STOML3: variants seen among roughly 807,000 people sequenced by gnomAD.
The protein encoded by STOML3 is stomatin like 3.
A neutral mutation model predicts 29.5 loss-of-function variants in STOML3; 31 were observed. That is an observed-to-expected ratio of 1.05 (90% CI 0.79 to 1.42). The LOEUF (loss-of-function observed/expected upper bound fraction) is 1.42. STOML3 is among the 40% of genes most tolerant of loss of function. The pLI is 0.00. For missense variants in STOML3, 380 were observed against 363.0 expected, an observed-to-expected ratio of 1.05 and a Z score of -0.38; for synonymous variants, 122 against 139.8, an observed-to-expected ratio of 0.87 and a Z score of 0.90.
At chr13:38,969,877 A>T (rs942131129) in intron 5 of STOML3, among the ~76,000 whole-genome samples, 1 of 152,190 alleles carries the variant, frequency 6.6e-6, no homozygotes. Flanking sequence ...AATAAATCTG[A>T]TCTCTAACTT....
chr13:38,970,349 C>G lies in STOML3; in HGVS notation c.352G>C (p.Val118Leu). The G allele has an allele frequency of 6.2e-7, 1 of 1,614,146 alleles. No homozygotes were observed. Among genetic ancestry groups the G allele is most frequent in the Non-Finnish European group, 8.5e-7 (1 of 1,180,024 alleles). ...RDSVTTQVDG[V>L]VYYRIYSAVS... ...GCACTATAGATTCTGTAATAGACAA[C>G]TCCATCTACCTGAGTAGTTACGGAG... Residue 118 changes from valine (V) to leucine (L), a missense_variant, in exon 5 of 7, where the codon GTT becomes CTT. Coordinates refer to ENST00000379631, the MANE Select transcript of STOML3 (RefSeq NM_145286.3).
chr13:38,985,662 T>C, intron 1 of STOML3, among the ~76,000 whole-genome samples: 1 of 151,954 alleles, frequency 6.6e-6, no homozygotes, highest in Non-Finnish European at 1.5e-5. Context: ...AATATAACAA[T>C]GGAGGGATAA....
intron 3 of STOML3, among the ~76,000 whole-genome samples, chr13:38,975,697 C>G (rs545301164): frequency 6.6e-6 from 1 of 152,114 alleles, no homozygotes; most frequent in Non-Finnish European, 1.5e-5. Flanking sequence ...TAGCAATTTC[C>G]TATGGTTCAA....
Position 38,982,891 on chromosome 13 carries a change from T to A in STOML3, c.53-6094A>T, listed in dbSNP as rs191763819. ...TCTGTCCACCTGGCACAAATGCACA[T>A]CTAATTGTTCCCTGTCCCATTTATC... On this transcript the variant is annotated intron_variant, in intron 1 of 6. Coordinates refer to ENST00000379631, the MANE Select transcript of STOML3 (RefSeq NM_145286.3). Among the ~76,000 whole-genome samples the A allele has an allele frequency of 1.4e-4, 22 of 152,276 alleles. No individual in the cohort carries two copies. In the East Asian group the frequency reaches 3.9e-3, roughly 27 times the overall value.
intron 5 of STOML3, 27 bp from the exon 6 acceptor site, chr13:38,968,561 A>C: frequency 6.2e-7 from 1 of 1,612,834 alleles, no homozygotes; most frequent in Non-Finnish European, 8.5e-7. Flanking sequence ...AGGGAAGACT[A>C]ATAAGAAAGA....
chr13:38,967,786 G>T (rs1395143308), intron 6 of STOML3, among the ~76,000 whole-genome samples: 2 of 152,148 alleles, frequency 1.3e-5, no homozygotes, highest in Non-Finnish European at 2.9e-5. Flanking sequence ...ATACACAAAG[G>T]CTTGGGATCC....
intron 3 of STOML3, among the ~76,000 whole-genome samples, chr13:38,976,159 A>C (rs906948104): frequency 1.3e-5 from 2 of 152,200 alleles, no homozygotes; most frequent in African/African-American, 4.8e-5. Flanking sequence ...ACCAGCTCTC[A>C]ATATACTCTC....
At chr13:38,987,081 A>G (rs1228510131) in intron 1 of STOML3, among the ~76,000 whole-genome samples, 2 of 152,202 alleles carry the variant, frequency 1.3e-5, no homozygotes, top group African/African-American at 2.4e-5. Context: ...ATAAATGTCT[A>G]AAAATTGGAC....
chr13:38,977,750 A>ATTTTTTTTTTTTTTTTTTTTTTT lies in STOML3; in HGVS notation c.53-976_53-954dup, dbSNP rs397851686. 8.2e-4 allele frequency among the ~76,000 whole-genome samples: 69 copies of ATTTTTTTTTTTTTTTTTTTTTTT among 84,236 alleles called. 4 individuals are homozygous for ATTTTTTTTTTTTTTTTTTTTTTT. The highest frequency in any genetic ancestry group is 1.6e-3 in the South Asian group (3 of 1,860). The allele number at this position is 84,236 out of a possible 152,430, so 55.3% of individuals were successfully genotyped here. A position where few individuals can be genotyped will look rare whatever the true frequency, so the allele number is the denominator to read the frequency against. On this transcript the variant is annotated intron_variant, in intron 1 of 6. Coordinates refer to ENST00000379631, the MANE Select transcript of STOML3 (RefSeq NM_145286.3). Reference sequence around the variant, plus strand: ...ATTATATAATTTCTGAAGTCTCCGGATTTTTTTTTTTTTTTTTTTTTTTTT... The same window carrying ATTTTTTTTTTTTTTTTTTTTTTT: ...ATTATATAATTTCTGAAGTCTCCGGATTTTTTTTTTTTTTTTTTTTTTTTTTTTTTTTTTTTTTTTTTTTTTTT...
At chr13:38,976,950 C>T (rs1881103234) in intron 1 of STOML3, among the ~76,000 whole-genome samples, 153 bp from the exon 2 acceptor site, 2 of 152,344 alleles carry the variant, frequency 1.3e-5, no homozygotes, top group Middle Eastern at 3.4e-3. Context: ...TGTAGTCACA[C>T]ACACGTACAT....
At chr13:38,974,814 AGAG>A (rs1490013948) in intron 3 of STOML3, among the ~76,000 whole-genome samples, 1 of 152,130 alleles carries the variant, frequency 6.6e-6, no homozygotes, top group South Asian at 2.1e-4. Context: ...ATTTTTCTCT[AGAG>A]GCCTCCAAGT....
intron 4 of STOML3, among the ~76,000 whole-genome samples, chr13:38,971,720 C>G (rs900549908): frequency 6.6e-6 from 1 of 151,986 alleles, no homozygotes; most frequent in Non-Finnish European, 1.5e-5. Context: ...GTCAGGAGTT[C>G]GAGAGACCAG....
At chr13:38,976,861 A>G in intron 1 of STOML3, 64 bp from the exon 2 acceptor site, 1 of 1,388,046 alleles carries the variant, frequency 7.2e-7, no homozygotes, top group African/African-American at 1.4e-5. Flanking sequence ...ACCCAGCTGC[A>G]TGGGTGTGGA....
Position 38,988,334 on chromosome 13 carries a change from T to A in STOML3, c.52+2336A>T, listed in dbSNP as rs180941228. Among the ~76,000 whole-genome samples, 43 of 27,066 alleles carry A rather than the reference T, an allele frequency of 1.6e-3. 5 individuals are homozygous for A. The highest frequency in any genetic ancestry group is 0.011 in the African/African-American group (37 of 3,256). The allele number at this position is 27,066 out of a possible 152,430, so 17.8% of individuals were successfully genotyped here. The stretch of plus-strand genomic sequence containing the variant: ...TATATAATATATTATATTTTATATA[T>A]AATATATTATATTTTATATCATATA... On this transcript the variant is annotated intron_variant, in intron 1 of 6. Transcript: ENST00000379631.
chr13:38,970,484 G>A (rs774913742), intron 4 of STOML3, 96 bp from the exon 5 acceptor site: 195 of 999,962 alleles, frequency 2.0e-4, no homozygotes, highest in Non-Finnish European at 2.9e-4. Context: ...CACAGAAGGA[G>A]AGCAGTAACG....
intron 4 of STOML3, among the ~76,000 whole-genome samples, chr13:38,970,755 T>C (rs1277105897): frequency 6.6e-6 from 1 of 152,194 alleles, no homozygotes; most frequent in African/African-American, 2.4e-5. Context: ...GTTTCCCTGA[T>C]ACCTGTACTC....
At chr13:38,970,482 G>T in intron 4 of STOML3, 94 bp from the exon 5 acceptor site, 1 of 1,056,476 alleles carries the variant, frequency 9.5e-7, no homozygotes, top group South Asian at 1.4e-5. Flanking sequence ...TCCACAGAAG[G>T]AGAGCAGTAA....
intron 1 of STOML3, among the ~76,000 whole-genome samples, chr13:38,987,126 A>G (rs1367833258): frequency 1.3e-5 from 2 of 152,148 alleles, no homozygotes; most frequent in African/African-American, 2.4e-5. Flanking sequence ...AATTTATACC[A>G]TTTCCACTGT....
intron 5 of STOML3, 95 bp downstream of exon 5, chr13:38,970,090 G>C: frequency 4.4e-6 from 5 of 1,129,806 alleles, no homozygotes; most frequent in Non-Finnish European, 6.4e-6. Flanking sequence ...GCATGCATGT[G>C]GTGGGGGATG....
Sources: gnomAD v4.1 joint callset for allele counts (sites outside exome capture counted in the v4.1 genomes callset) on GRCh38, gnomAD v4.1.1 for gene constraint, MANE v1.5 for transcripts, NCBI Gene and HGNC (gene_info 2026-07-23, HGNC 2026-07-21) for gene names.